The following ROBO1 variants were observed in gnomAD, a reference collection of about 807,000 sequenced individuals.
ROBO1 encodes the protein roundabout homolog 1.
In ROBO1, 149 loss-of-function variants were observed where a neutral mutation model predicts 195.9. That is an observed-to-expected ratio of 0.76 (90% CI 0.67 to 0.87). The LOEUF is 0.87. Ranked by LOEUF, ROBO1 falls within the 40% of genes least tolerant of loss-of-function variation. The pLI, the probability that ROBO1 is intolerant of heterozygous loss-of-function variation, is 0.00. For synonymous variants in ROBO1, 816 were observed against 733.2 expected, an observed-to-expected ratio of 1.11 and a Z score of -1.82; for missense variants, 1,933 against 2,068.3, an observed-to-expected ratio of 0.93 and a Z score of 1.27.
At position 79,188,517 on chromosome 3, in the gene ROBO1, T is replaced by C. The variant is rs964513330; in HGVS notation, c.89-62978A>G. Among the ~76,000 whole-genome samples, 5 of 151,950 alleles carry C rather than the reference T, an allele frequency of 3.3e-5. No individual in the cohort carries two copies. In the East Asian group the frequency reaches 9.7e-4, roughly 29 times the overall value. On this transcript the variant is annotated intron_variant, in intron 2 of 30. Transcript: ENST00000464233. ...ACTGTACATGTTTGATCACTTCTACTGTTTGGATGTATACATGCACCTTTG... is the reference window on the plus strand; with the variant it reads ...ACTGTACATGTTTGATCACTTCTACCGTTTGGATGTATACATGCACCTTTG...
intron 8 of ROBO1, among the ~76,000 whole-genome samples, chr3:78,711,077 C>A (rs949407790): frequency 3.3e-4 from 51 of 152,276 alleles, no homozygotes; most frequent in Admixed American, 8.5e-4. Context: ...AAGTATACAA[C>A]ATGACGTTAT....
chr3:79,262,913 A>G lies in ROBO1; in HGVS notation c.89-137374T>C, dbSNP rs143776647. Among the ~76,000 whole-genome samples, 15 of 152,230 alleles carry G rather than the reference A, an allele frequency of 9.9e-5. No homozygotes were observed. The East Asian group carries it at 2.7e-3, about 27-fold the overall frequency. ...AATATCTGAGATGGAGGAACACCTC[A>G]TATCAGATCAAGTCAACCATTCTCT... On this transcript the variant is annotated intron_variant, in intron 2 of 30. Coordinates refer to ENST00000464233, the MANE Select transcript of ROBO1 (RefSeq NM_002941.4).
At chr3:79,365,480 C>T (rs966225775) in intron 2 of ROBO1, among the ~76,000 whole-genome samples, 19 of 152,210 alleles carry the variant, frequency 1.2e-4, no homozygotes, top group African/African-American at 4.6e-4. Context: ...GCTTTATCAT[C>T]AGAGGATCCC....
At position 78,614,818 on chromosome 3, in the gene ROBO1, A is replaced by G; in HGVS notation, c.4283-18T>C. The G allele has an allele frequency of 6.4e-7, 1 of 1,570,892 alleles. No homozygotes were observed. On this transcript the variant is annotated intron_variant, in intron 27 of 30. Coordinates refer to ENST00000464233, the MANE Select transcript of ROBO1 (RefSeq NM_002941.4). Reference sequence around the variant, plus strand: ...TCGACGGCCTAAGGAGAAAAAAAAAAAAAATCCAAGCCAAACTCATCAGTG... The same window carrying G: ...TCGACGGCCTAAGGAGAAAAAAAAAGAAAATCCAAGCCAAACTCATCAGTG...
At chr3:78,821,057 C>G (rs1026441995) in intron 4 of ROBO1, among the ~76,000 whole-genome samples, 5 of 151,784 alleles carry the variant, frequency 3.3e-5, no homozygotes, top group African/African-American at 9.7e-5. Flanking sequence ...TTATATAAAG[C>G]AAAATTCAAT....
intron 2 of ROBO1, among the ~76,000 whole-genome samples, chr3:79,572,343 T>C (rs1943306093): frequency 6.6e-6 from 1 of 152,052 alleles, no homozygotes; most frequent in South Asian, 2.1e-4. Context: ...ATGAAACACT[T>C]CAATCTGATG....
At chr3:79,166,915 G>A (rs1413098350) in intron 2 of ROBO1, among the ~76,000 whole-genome samples, 2 of 152,122 alleles carry the variant, frequency 1.3e-5, no homozygotes, top group Non-Finnish European at 2.9e-5. Context: ...TTTATGGATA[G>A]AGGAATAATA....
chr3:79,159,956 A>T (rs938549439), intron 2 of ROBO1, among the ~76,000 whole-genome samples: 12 of 152,036 alleles, frequency 7.9e-5, no homozygotes, highest in Admixed American at 6.6e-4. Context: ...GCTAGAGCTA[A>T]CGTAGCAACT....
chr3:79,478,772 C>T (rs79419854), intron 2 of ROBO1, among the ~76,000 whole-genome samples: 1,631 of 152,226 alleles, frequency 0.011, 30 homozygotes, highest in African/African-American at 0.037. Flanking sequence ...GTAGCTCTCC[C>T]AGGAAGCTTT....
chr3:79,128,144 G>A (rs980891782), intron 2 of ROBO1, among the ~76,000 whole-genome samples: 1 of 152,128 alleles, frequency 6.6e-6, no homozygotes, highest in African/African-American at 2.4e-5. Context: ...TGCGAGCTAT[G>A]GACTAGAAGA....
At chr3:78,963,867 AAAAC>A (rs1320580986) in intron 3 of ROBO1, among the ~76,000 whole-genome samples, 1 of 152,202 alleles carries the variant, frequency 6.6e-6, no homozygotes, top group Non-Finnish European at 1.5e-5. Context: ...TTTAAAATAA[AAAAC>A]AAAATAGTGA....
At chr3:78,711,348 C>CTTCCTTCCTTCCTTCCT (rs1428531321) in intron 8 of ROBO1, among the ~76,000 whole-genome samples, 18 of 54,636 alleles carry the variant, frequency 3.3e-4, no homozygotes, top group South Asian at 8.7e-4. Context: ...TCCTTCCTTC[C>CTTCCTTCCTTCCTTCCT]TCCTTCCTTC....
intron 4 of ROBO1, among the ~76,000 whole-genome samples, chr3:78,749,464 CAT>C (rs2082736275): frequency 6.6e-6 from 1 of 152,112 alleles, no homozygotes; most frequent in South Asian, 2.1e-4. Flanking sequence ...AGATAATGCT[CAT>C]ATGATTGTTT....
intron 2 of ROBO1, among the ~76,000 whole-genome samples, chr3:79,190,577 A>G (rs17016804): frequency 0.094 from 14,260 of 151,538 alleles, 1,197 homozygotes; most frequent in African/African-American, 0.22. Flanking sequence ...CTCACTGTCT[A>G]CAAATAAATC....
intron 3 of ROBO1, among the ~76,000 whole-genome samples, chr3:79,107,216 A>T (rs377529904): frequency 2.0e-5 from 3 of 151,404 alleles, no homozygotes; most frequent in African/African-American, 7.3e-5. Flanking sequence ...TAAAGAAAAA[A>T]ATTCATAAGC....
At chr3:79,310,231 C>T (rs1023317794) in intron 2 of ROBO1, among the ~76,000 whole-genome samples, 1 of 152,130 alleles carries the variant, frequency 6.6e-6, no homozygotes, top group Non-Finnish European at 1.5e-5. Flanking sequence ...TAGTTCTGGG[C>T]CCAGCTCATA....
intron 1 of ROBO1, among the ~76,000 whole-genome samples, chr3:79,665,492 A>C (rs1228494030): frequency 6.6e-6 from 1 of 151,920 alleles, no homozygotes; most frequent in Non-Finnish European, 1.5e-5. Flanking sequence ...ATATTCCTTT[A>C]TAGGTGTCTC....
Position 78,657,289 on chromosome 3 carries a change from A to G in ROBO1, c.2443-20T>C. 1 of 1,611,952 alleles carries G rather than the reference A, an allele frequency of 6.2e-7. No individual in the cohort carries two copies. Among genetic ancestry groups the G allele is most frequent in the Non-Finnish European group, 8.5e-7 (1 of 1,178,784 alleles). On this transcript the variant is annotated intron_variant, in intron 17 of 30. Coordinates refer to ENST00000464233, the MANE Select transcript of ROBO1 (RefSeq NM_002941.4). ...CCAAACCTGTAAGAAGCACATCACA[A>G]AAATCAAGCTGGTAAATTACCTAAA...
chr3:79,023,997 A>T (rs1351151203), intron 3 of ROBO1, among the ~76,000 whole-genome samples: 1 of 151,800 alleles, frequency 6.6e-6, no homozygotes, highest in Non-Finnish European at 1.5e-5. Context: ...GGCGTGAGCC[A>T]CCGCGCCTGG....
Sources: gnomAD v4.1 joint callset for allele counts (sites outside exome capture counted in the v4.1 genomes callset) on GRCh38, gnomAD v4.1.1 for gene constraint, MANE v1.5 for transcripts, NCBI Gene and HGNC (gene_info 2026-07-23, HGNC 2026-07-21) for gene names.